The following CNTN5 variants were observed in gnomAD, a reference collection of about 807,000 sequenced individuals.
CNTN5 encodes contactin-5.
Under a neutral mutation model 129.1 loss-of-function variants are expected in CNTN5, and 77 were observed. The observed-to-expected ratio is 0.60, with a 90% confidence interval of 0.50 to 0.72. The LOEUF is 0.72. CNTN5 is among the 30% of genes least tolerant of loss of function. The pLI is 0.00. For synonymous variants in CNTN5, 509 were observed against 465.6 expected (o/e 1.09, Z -1.20); for missense variants, 1,478 against 1,328.8 (o/e 1.11, Z -1.75).
intron 6 of CNTN5, among the ~76,000 whole-genome samples, chr11:99,865,540 T>C (rs1948332157): frequency 6.6e-6 from 1 of 151,872 alleles, no homozygotes; most frequent in Non-Finnish European, 1.5e-5. Flanking sequence ...ATAAAATAAC[T>C]GCCAAATGAT....
At chr11:99,311,399 A>C (rs1198581858) in intron 1 of CNTN5, among the ~76,000 whole-genome samples, 1 of 152,120 alleles carries the variant, frequency 6.6e-6, no homozygotes, top group African/African-American at 2.4e-5. Flanking sequence ...CCATTGTCAT[A>C]TTTGGGCTTC....
intron 1 of CNTN5, among the ~76,000 whole-genome samples, chr11:99,139,934 T>G (rs2135458596): frequency 6.6e-6 from 1 of 152,286 alleles, no homozygotes; most frequent in Non-Finnish European, 1.5e-5. Flanking sequence ...GCCAAAAACC[T>G]CAGATCGATA....
chr11:99,382,845 C>CTTTTTTTTTTTTTTTTT lies in CNTN5; in HGVS notation c.-71+57375_-71+57391dup, dbSNP rs1163660333. Among the ~76,000 whole-genome samples, 114 of 77,022 alleles carry CTTTTTTTTTTTTTTTTT rather than the reference C, an allele frequency of 1.5e-3. 27 individuals are homozygous for CTTTTTTTTTTTTTTTTT. The highest frequency in any genetic ancestry group is 3.2e-3 in the East Asian group (6 of 1,894). 50.5% of individuals were successfully genotyped at this position (77,022 alleles called of 152,430 possible). The stretch of plus-strand genomic sequence containing the variant: ...ACATCTCACTAGTGTCTCTAAATAA[C>CTTTTTTTTTTTTTTTTT]TTTTTTTTTTTTTTTTTTTTTTTTT... On this transcript the variant is annotated intron_variant, in intron 2 of 24. Transcript: ENST00000524871.
In CNTN5 at chr11:99,610,254, G is replaced by T. The variant is rs111339205; in HGVS notation, c.55+53985G>T. On this transcript the variant is annotated intron_variant, in intron 3 of 24. Transcript: ENST00000524871. ...TCAGACTGTAGGGGTTCTATTAATG[G>T]GTTCTCTAGTCTGCCAATAGGAAAA... 9.5e-3 allele frequency among the ~76,000 whole-genome samples: 1,444 copies of T among 152,132 alleles called. 12 individuals are homozygous for T. The highest frequency in any genetic ancestry group is 0.015 in the Non-Finnish European group (1,021 of 67,972).
At chr11:100,046,602 T>A (rs898212766) in intron 9 of CNTN5, among the ~76,000 whole-genome samples, 25 of 152,186 alleles carry the variant, frequency 1.6e-4, no homozygotes, top group African/African-American at 6.0e-4. Context: ...TTTATTTATT[T>A]TATCTAATAA....
chr11:99,760,331 G>C (rs915777582), intron 3 of CNTN5, among the ~76,000 whole-genome samples: 2 of 152,068 alleles, frequency 1.3e-5, no homozygotes, highest in African/African-American at 2.4e-5. Context: ...GCGTCTGAGA[G>C]GATCTGGGGG....
chr11:99,940,234 A>T (rs1383662612), intron 7 of CNTN5, among the ~76,000 whole-genome samples: 1 of 152,172 alleles, frequency 6.6e-6, no homozygotes, highest in African/African-American at 2.4e-5. Flanking sequence ...GATCTAGATC[A>T]TATGGAGGTT....
At chr11:100,053,412 C>CA (rs1438442668) in intron 9 of CNTN5, among the ~76,000 whole-genome samples, 1 of 151,384 alleles carries the variant, frequency 6.6e-6, no homozygotes, top group African/African-American at 2.4e-5. Flanking sequence ...GGAAAAAATG[C>CA]AACATAAAAA....
At chr11:99,893,642 A>T (rs1316923834) in intron 6 of CNTN5, among the ~76,000 whole-genome samples, 2 of 152,118 alleles carry the variant, frequency 1.3e-5, no homozygotes, top group Non-Finnish European at 2.9e-5. Context: ...CAAAGAAAAA[A>T]AATCAGATCC....
rs549119762 is a variant in CNTN5 at position 100,028,787 on chromosome 11, A to G, written c.980+26651A>G. 3.3e-5 allele frequency among the ~76,000 whole-genome samples: 5 copies of G among 152,336 alleles called. No individual in the cohort carries two copies. In the South Asian group the frequency reaches 1.0e-3, roughly 32 times the overall value. On this transcript the variant is annotated intron_variant, in intron 9 of 24. Coordinates refer to ENST00000524871, the MANE Select transcript of CNTN5 (RefSeq NM_014361.4). ...ACTCTGAACCCACAAAAATGTTTCTATAGATATGAAATATTGGGAATAATT... is the reference window on the plus strand; with the variant it reads ...ACTCTGAACCCACAAAAATGTTTCTGTAGATATGAAATATTGGGAATAATT...
chr11:99,614,999 A>T (rs1163134157), intron 3 of CNTN5, among the ~76,000 whole-genome samples: 1 of 150,250 alleles, frequency 6.7e-6, no homozygotes, highest in South Asian at 2.1e-4. Context: ...AGATAAATAT[A>T]GAAGTAATAC....
At chr11:99,453,322 A>G (rs1470441014) in intron 2 of CNTN5, among the ~76,000 whole-genome samples, 1 of 152,158 alleles carries the variant, frequency 6.6e-6, no homozygotes, top group African/African-American at 2.4e-5. Flanking sequence ...AAGGGAAAAA[A>G]CTTGTAGAGA....
At chr11:99,410,254 A>G (rs150139139) in intron 2 of CNTN5, among the ~76,000 whole-genome samples, 3 of 152,332 alleles carry the variant, frequency 2.0e-5, no homozygotes, top group Admixed American at 2.0e-4. Context: ...TACACAAGCT[A>G]TGCAGCCTTG....
intron 23 of CNTN5, 123 bp downstream of exon 23, chr11:100,341,328 T>A: frequency 1.4e-6 from 1 of 704,630 alleles, no homozygotes; most frequent in Non-Finnish European, 2.4e-6. Flanking sequence ...TCATTTTCTA[T>A]CTGTATCTTA....
At chr11:100,049,261 A>G (rs1942839074) in intron 9 of CNTN5, among the ~76,000 whole-genome samples, 1 of 152,146 alleles carries the variant, frequency 6.6e-6, no homozygotes, top group African/African-American at 2.4e-5. Flanking sequence ...AGTATGTAGA[A>G]ATAATGTGTA....
chr11:99,137,449 G>A (rs1417530361), intron 1 of CNTN5, among the ~76,000 whole-genome samples: 4 of 151,974 alleles, frequency 2.6e-5, no homozygotes, highest in Non-Finnish European at 5.9e-5. Context: ...CATTATACGA[G>A]GTAGTTTCCA....
At chr11:100,036,603 A>T (rs1351678850) in intron 9 of CNTN5, among the ~76,000 whole-genome samples, 10 of 147,992 alleles carry the variant, frequency 6.8e-5, no homozygotes, top group African/African-American at 2.2e-4. Context: ...CCCATGAGCA[A>T]GGAATGTTCT....
chr11:99,373,277 T>C (rs76821737), intron 2 of CNTN5, among the ~76,000 whole-genome samples: 2,918 of 152,216 alleles, frequency 0.019, 95 homozygotes, highest in African/African-American at 0.066. Context: ...CAAAACTGGA[T>C]GGACTATTGA....
intron 1 of CNTN5, among the ~76,000 whole-genome samples, chr11:99,076,675 A>G (rs115029677): frequency 6.6e-6 from 1 of 152,160 alleles, no homozygotes; most frequent in Non-Finnish European, 1.5e-5. Flanking sequence ...TTGGACATTT[A>G]TGTCTACTGT....
Sources: allele counts gnomAD v4.1 joint callset (sites outside exome capture counted in the v4.1 genomes callset), GRCh38; gene constraint gnomAD v4.1.1; transcripts MANE v1.5; gene names NCBI Gene and HGNC (gene_info 2026-07-23, HGNC 2026-07-21).